Variants in LPP observed in about 807,000 individuals in gnomAD.
LPP encodes the protein LIM domain containing preferred translocation partner in lipoma, also known as lipoma-preferred partner.
A neutral mutation model predicts 60.4 loss-of-function variants in LPP; 38 were observed. That is an observed-to-expected ratio of 0.63 (90% confidence interval 0.49 to 0.83). LPP has a LOEUF of 0.83. LPP is among the 40% of genes least tolerant of loss of function. LPP has a pLI of 0.00. For missense variants in LPP, 902 were observed against 783.6 expected (o/e 1.15, Z -1.80); for synonymous variants, 328 against 290.8 (o/e 1.13, Z -1.30).
chr3:188,183,717 T>A (rs1160479639), intron 1 of LPP, among the ~76,000 whole-genome samples: 2 of 136,916 alleles, frequency 1.5e-5, no homozygotes, highest in Admixed American at 7.5e-5. Flanking sequence ...TTTCCCGTAA[T>A]CCTGTAACAG....
At chr3:188,486,503 C>T (rs575101714) in intron 5 of LPP, among the ~76,000 whole-genome samples, 183 of 152,166 alleles carry the variant, frequency 1.2e-3, no homozygotes, top group Non-Finnish European at 7.6e-4. Context: ...AATATGGCCC[C>T]ACTGAGAAGG....
chr3:188,208,151 G>C, intron 1 of LPP: 1 of 152,208 alleles, frequency 6.6e-6, no homozygotes, highest in East Asian at 1.9e-4. Flanking sequence ...GATTTCTGGC[G>C]AAGATCCGGC....
At chr3:188,593,289 G>A (rs1486185253) in intron 6 of LPP, among the ~76,000 whole-genome samples, 1 of 151,596 alleles carries the variant, frequency 6.6e-6, no homozygotes, top group Non-Finnish European at 1.5e-5. Flanking sequence ...AGATCCCATA[G>A]AGGTGTTCAC....
intron 3 of LPP, among the ~76,000 whole-genome samples, chr3:188,400,437 T>A (rs4686483): frequency 0.61 from 92,311 of 152,008 alleles, 29,165 homozygotes; most frequent in African/African-American, 0.79. Flanking sequence ...TCAGGATGAC[T>A]GTGTGGCCAT....
At chr3:188,337,165 G>A (rs542550566) in intron 2 of LPP, among the ~76,000 whole-genome samples, 38 of 152,256 alleles carry the variant, frequency 2.5e-4, no homozygotes, top group African/African-American at 8.2e-4. Context: ...GGGCCACTGG[G>A]TTCGGGTGGT....
At chr3:188,369,151 T>C (rs932472747) in intron 3 of LPP, among the ~76,000 whole-genome samples, 4 of 152,152 alleles carry the variant, frequency 2.6e-5, no homozygotes, top group African/African-American at 9.7e-5. Flanking sequence ...TCTCACTGCA[T>C]AGACAGAAAA....
intron 2 of LPP, among the ~76,000 whole-genome samples, chr3:188,261,965 A>G (rs1323255813): frequency 3.9e-5 from 6 of 152,168 alleles, no homozygotes. Flanking sequence ...ACTGAATATT[A>G]TCTTCATTTC....
chr3:188,332,512 G>C (rs184371965), intron 2 of LPP, among the ~76,000 whole-genome samples: 5 of 152,254 alleles, frequency 3.3e-5, no homozygotes, highest in Admixed American at 2.6e-4. Context: ...AGAACATTTT[G>C]TTCATTTGCT....
chr3:188,329,160 A>G (rs1759286552), intron 2 of LPP, among the ~76,000 whole-genome samples: 2 of 152,182 alleles, frequency 1.3e-5, no homozygotes, highest in South Asian at 4.1e-4. Flanking sequence ...ATTAACAGCC[A>G]CTCATTGAGT....
chr3:188,867,981 G>A (rs932058852), intron 10 of LPP, among the ~76,000 whole-genome samples: 31 of 152,174 alleles, frequency 2.0e-4, no homozygotes, highest in African/African-American at 7.2e-4. Context: ...ACCAAAAGAC[G>A]TGAGGTTGAA....
intron 8 of LPP, chr3:188,711,090 T>G (rs776750710): frequency 1.3e-5 from 2 of 152,218 alleles, no homozygotes; most frequent in Admixed American, 6.5e-5. Flanking sequence ...TATAGTTTAT[T>G]TAAGACATAA....
rs1288280759 is a variant in LPP, at chr3:188,248,497, T to TATAC, written c.-67+22971_-67+22972insTACA. 3.6e-3 allele frequency among the ~76,000 whole-genome samples: 513 copies of TATAC among 140,716 alleles called. 12 individuals are homozygous for TATAC. Among genetic ancestry groups the TATAC allele is most frequent in the Non-Finnish European group, 4.5e-3 (296 of 65,354 alleles). The allele number at this position is 140,716 out of a possible 152,430, so 92.3% of individuals were successfully genotyped here. On this transcript the variant is annotated intron_variant, in intron 2 of 11. Coordinates refer to ENST00000617246, the MANE Select transcript of LPP (RefSeq NM_001375462.1). ...ATATATATATATATATATATATATA[T>TATAC]ACAGTCAGCAGAGCTTGTTTTGGAA... is the stretch of plus-strand genomic sequence containing the variant.
At chr3:188,677,926 G>C (rs946831548) in intron 7 of LPP, among the ~76,000 whole-genome samples, 2 of 152,026 alleles carry the variant, frequency 1.3e-5, no homozygotes, top group African/African-American at 4.8e-5. Flanking sequence ...AAATGACAGA[G>C]GACGCTGATA....
intron 7 of LPP, among the ~76,000 whole-genome samples, chr3:188,693,699 G>T (rs1862594640): frequency 6.6e-6 from 1 of 152,184 alleles, no homozygotes; most frequent in African/African-American, 2.4e-5. Context: ...TGTTGTCAGT[G>T]TGTGTCGCCT....
intron 4 of LPP, among the ~76,000 whole-genome samples, chr3:188,419,905 T>TAATA: frequency 6.6e-6 from 1 of 152,014 alleles, no homozygotes; most frequent in African/African-American, 2.4e-5. Context: ...TAAATAAAAA[T>TAATA]AATAAATAAA....
At chr3:188,747,080 C>T (rs1726471587) in intron 8 of LPP, among the ~76,000 whole-genome samples, 1 of 152,130 alleles carries the variant, frequency 6.6e-6, no homozygotes, top group African/African-American at 2.4e-5. Context: ...AAGGGAGTCA[C>T]AGAGAGAAAA....
At chr3:188,260,653 G>GT (rs1289359450) in intron 2 of LPP, among the ~76,000 whole-genome samples, 1 of 152,096 alleles carries the variant, frequency 6.6e-6, no homozygotes. Flanking sequence ...CTTGGTTGTT[G>GT]TTTTTTAAGG....
At chr3:188,513,225 C>G (rs1034713850) in intron 5 of LPP, among the ~76,000 whole-genome samples, 2 of 152,150 alleles carry the variant, frequency 1.3e-5, no homozygotes, top group Non-Finnish European at 2.9e-5. Context: ...TCAGAAAAGA[C>G]AGTTCATTTA....
At chr3:188,869,282 A>G (rs1767462576) in intron 10 of LPP, among the ~76,000 whole-genome samples, 1 of 151,978 alleles carries the variant, frequency 6.6e-6, no homozygotes, top group Non-Finnish European at 1.5e-5. Flanking sequence ...TTATTTATTT[A>G]TTTGTTTATT....
Sources: allele counts gnomAD v4.1 joint callset (sites outside exome capture counted in the v4.1 genomes callset), GRCh38; gene constraint gnomAD v4.1.1; transcripts MANE v1.5; gene names NCBI Gene and HGNC (gene_info 2026-07-23, HGNC 2026-07-21).